Variants in ALPL observed in about 807,000 individuals in gnomAD.
The protein encoded by ALPL is alkaline phosphatase, tissue-nonspecific isozyme.
Under a neutral mutation model 51.3 loss-of-function variants are expected in ALPL, and 42 were observed. The ratio of observed to expected loss-of-function variants is 0.82; its 90% CI spans 0.64 to 1.06. The LOEUF (loss-of-function observed/expected upper bound fraction) is 1.06, where lower values mean the gene tolerates loss of function less well. Ranked by LOEUF, ALPL falls within the 50% of genes least tolerant of loss-of-function variation. The pLI is 0.00. For missense variants in ALPL, 589 were observed against 709.4 expected (o/e 0.83, Z 1.93); for synonymous variants, 279 against 296.4 (o/e 0.94, Z 0.60).
At chr1:21,563,026 G>T in intron 4 of ALPL, 84 bp from the exon 5 acceptor site, 1 of 1,567,194 alleles carries the variant, frequency 6.4e-7, no homozygotes, top group South Asian at 1.1e-5. Flanking sequence ...TCACGCCCCA[G>T]TCCCCATGGT....
upstream of ALPL, among the ~76,000 whole-genome samples, chr1:21,509,135 G>A (rs1386854632): frequency 2.6e-5 from 4 of 152,278 alleles, no homozygotes; most frequent in Non-Finnish European, 5.9e-5. This position sits in a 1 kb window ranked among gnomAD's most constrained non-coding sequence, Gnocchi z 6.0. Context: ...CTCGCTGAGA[G>A]AGGAAGGGCT....
chr1:21,567,807 A>T (rs1266658825), intron 6 of ALPL, among the ~76,000 whole-genome samples: 1 of 152,202 alleles, frequency 6.6e-6, no homozygotes, highest in Non-Finnish European at 1.5e-5. Flanking sequence ...ACGCTCTGTA[A>T]ATGGTCTGAT....
intron 1 of ALPL, among the ~76,000 whole-genome samples, chr1:21,544,790 A>G (rs1021749056): frequency 2.6e-5 from 4 of 152,174 alleles, no homozygotes; most frequent in Non-Finnish European, 5.9e-5. Flanking sequence ...GACTAAATGC[A>G]TACACTAGGC....
In ALPL at chr1:21,566,244, C is replaced by T. The variant is rs1644562674; in HGVS notation, c.649-1860C>T. Among the ~76,000 whole-genome samples, 3 of 152,168 alleles carry T rather than the reference C, an allele frequency of 2.0e-5. No individual in the cohort carries two copies. In the South Asian group the frequency reaches 6.2e-4, roughly 32 times the overall value. On this transcript the variant is annotated intron_variant, in intron 6 of 11. Transcript: ENST00000374840. ...GGACTTCCCTGGGTGACTGCCTTTC[C>T]TCCTGTGATGGGTCTGTGGATGGAT...
chr1:21,573,857 A>G, intron 9 of ALPL, 58 bp downstream of exon 9: 1 of 1,612,150 alleles, frequency 6.2e-7, no homozygotes, highest in Non-Finnish European at 8.5e-7. Flanking sequence ...TGGTGTCAGG[A>G]TGGAGAAGTC....
chr1:21,509,824 C>T lies in ALPL; in HGVS notation c.-105+307C>T, dbSNP rs541452564. Among the ~76,000 whole-genome samples, 12 of 152,252 alleles carry T rather than the reference C, an allele frequency of 7.9e-5. No individual in the cohort carries two copies. The highest frequency in any genetic ancestry group is 2.0e-4 in the Admixed American group (3 of 15,298). ...GCCCTGCAGTCCCAGGGTCTCCTAC[C>T]TCCCGAGCCGCTGCCTGGGACCCTG... On this transcript the variant is annotated intron_variant, in intron 1 of 11. Coordinates refer to ENST00000374840, the MANE Select transcript of ALPL (RefSeq NM_000478.6). The surrounding 1 kb of genome is among the most constrained non-coding windows in gnomAD (Gnocchi z 6.0).
chr1:21,525,845 G>A (rs1443694665), intron 1 of ALPL, among the ~76,000 whole-genome samples: 1 of 152,018 alleles, frequency 6.6e-6, no homozygotes, highest in Non-Finnish European at 1.5e-5. Flanking sequence ...AAAATTAGCC[G>A]GGCATGGTGG....
intron 2 of ALPL, among the ~76,000 whole-genome samples, chr1:21,559,767 G>A (rs1405830381): frequency 6.6e-6 from 1 of 152,162 alleles, no homozygotes; most frequent in Non-Finnish European, 1.5e-5. Context: ...TGATCTGCCT[G>A]CCTCGGCCTT....
intron 1 of ALPL, among the ~76,000 whole-genome samples, chr1:21,511,098 G>A (rs1166604724): frequency 6.6e-6 from 1 of 152,236 alleles, no homozygotes; most frequent in Non-Finnish European, 1.5e-5. Context: ...TCCGCCGTGT[G>A]CCAAGCTCTG....
At chr1:21,574,277 A>C (rs1644695131) in intron 9 of ALPL, 2 of 887,846 alleles carry the variant, frequency 2.3e-6, no homozygotes, top group African/African-American at 3.6e-5. Context: ...CACTTCTGTT[A>C]TGTGAAGCCA....
intron 1 of ALPL, among the ~76,000 whole-genome samples, chr1:21,512,758 C>G (rs1643716371): frequency 6.6e-6 from 1 of 152,194 alleles, no homozygotes; most frequent in South Asian, 2.1e-4. Flanking sequence ...TCGTTAATTG[C>G]TCCCAGAAAA....
At chr1:21,525,909 A>T (rs1484502183) in intron 1 of ALPL, among the ~76,000 whole-genome samples, 1 of 151,920 alleles carries the variant, frequency 6.6e-6, no homozygotes, top group East Asian at 2.0e-4. Context: ...AATTGCTTGA[A>T]CCTGGGAGGC....
chr1:21,552,106 T>TCCCCC (rs1558542016), intron 1 of ALPL, among the ~76,000 whole-genome samples: 2 of 33,814 alleles, frequency 5.9e-5, no homozygotes, highest in African/African-American at 1.5e-4. Flanking sequence ...CCCTTCCCTT[T>TCCCCC]CCTCCCCTTC....
In ALPL at chr1:21,561,636, C is replaced by T. The variant is rs187073700; in HGVS notation, c.297+424C>T. Among the ~76,000 whole-genome samples the T allele has an allele frequency of 6.0e-5, 9 of 149,690 alleles. No individual in the cohort carries two copies. In the East Asian group the frequency reaches 1.2e-3, roughly 20 times the overall value. On this transcript the variant is annotated intron_variant, in intron 4 of 11. Transcript: ENST00000374840. ...GGCCTCCCAGTCTTGGGATTACAGG[C>T]GTGAGCCACCATGCACGGCCTATAT...
At chr1:21,566,056 C>T (rs1372334926) in intron 6 of ALPL, among the ~76,000 whole-genome samples, 6 of 152,040 alleles carry the variant, frequency 3.9e-5, no homozygotes, top group Non-Finnish European at 7.4e-5. Flanking sequence ...GGCAAGGGAC[C>T]CGTGACCTGG....
intron 1 of ALPL, among the ~76,000 whole-genome samples, chr1:21,540,071 G>A (rs7547128): frequency 0.47 from 71,189 of 151,924 alleles, 17,411 homozygotes; most frequent in East Asian, 0.82. Context: ...GGTGGTTGGC[G>A]AACACCGCAG....
intron 1 of ALPL, among the ~76,000 whole-genome samples, chr1:21,536,014 C>T (rs1440852168): frequency 2.6e-5 from 4 of 152,150 alleles, no homozygotes; most frequent in South Asian, 2.1e-4. Flanking sequence ...CCAGTCATTA[C>T]CAAACTGAAG....
intron 1 of ALPL, among the ~76,000 whole-genome samples, chr1:21,545,482 G>T (rs1292060239): frequency 6.6e-6 from 1 of 151,974 alleles, no homozygotes; most frequent in Non-Finnish European, 1.5e-5. Context: ...GTAGAGACAG[G>T]GTTTCATCAT....
intron 4 of ALPL, 63 bp from the exon 5 acceptor site, chr1:21,563,047 G>A: frequency 4.4e-6 from 7 of 1,595,408 alleles, no homozygotes; most frequent in Non-Finnish European, 4.3e-6. Context: ...GTGAGTGTAG[G>A]CGGGGTGGGT....
Sources: allele counts gnomAD v4.1 joint callset (sites outside exome capture counted in the v4.1 genomes callset), GRCh38; gene constraint gnomAD v4.1.1; non-coding constraint Gnocchi (gnomAD v3.1); transcripts MANE v1.5; gene names NCBI Gene and HGNC (gene_info 2026-07-23, HGNC 2026-07-21).